TRPM5: variants seen among roughly 807,000 people sequenced by gnomAD.
The protein encoded by TRPM5 is MLSN1 and TRP-related.
Under a neutral mutation model 124.9 loss-of-function variants are expected in TRPM5, and 121 were observed. The ratio of observed to expected loss-of-function variants is 0.97; its 90% CI spans 0.84 to 1.13. TRPM5 has a LOEUF of 1.13. Ranked by LOEUF, TRPM5 falls within the 50% of genes most tolerant of loss-of-function variation. The pLI is 0.00. For missense variants in TRPM5, 1,643 were observed against 1,589.1 expected (o/e 1.03, Z -0.58); for synonymous variants, 781 against 700.5 (o/e 1.11, Z -1.81).
chr11:2,440,737 A>G, the TRPM5 span, among the ~76,000 whole-genome samples: 2 of 152,124 alleles, frequency 1.3e-5, no homozygotes, highest in African/African-American at 4.8e-5. This position sits in a 1 kb window ranked among gnomAD's most constrained non-coding sequence, Gnocchi z 5.2. Context: ...GTGCTCTGCG[A>G]GGATCTGGGG....
chr11:2,413,642 G>A (rs534586490), intron 12 of TRPM5, 54 bp from the exon 18 acceptor site: 14 of 1,525,456 alleles, frequency 9.2e-6, no homozygotes, highest in African/African-American at 8.2e-5. Flanking sequence ...CCCAGGCTGC[G>A]CCCTGCCCCA....
intron 21 of TRPM5, 57 bp downstream of exon 26, chr11:2,406,604 A>C (rs1304292027): frequency 6.5e-7 from 1 of 1,543,224 alleles, no homozygotes; most frequent in Non-Finnish European, 8.8e-7. Flanking sequence ...CGCCAATGGC[A>C]CATCCCCGCT....
chr11:2,422,400 A>C, intron 1 of TRPM5, 79 bp from the exon 7 acceptor site: 27 of 843,828 alleles, frequency 3.2e-5, no homozygotes, highest in East Asian at 5.0e-5. Flanking sequence ...GGCTGGACAC[A>C]AGGGGGCACT....
chr11:2,430,619 GTTGGTGGCAGTGATGAGGGTGGTGGCA>G, the TRPM5 span, among the ~76,000 whole-genome samples: 3 of 151,986 alleles, frequency 2.0e-5, no homozygotes, highest in Non-Finnish European at 4.4e-5. Flanking sequence ...TGGTGGTGAT[GTTGGTGGCAGTGATGAGGGTGGTGGCA>G]GTGATGGTGA....
upstream of TRPM5, among the ~76,000 whole-genome samples, chr11:2,423,689 A>G (rs1845804256): frequency 6.6e-6 from 1 of 152,170 alleles, no homozygotes; most frequent in Non-Finnish European, 1.5e-5. Flanking sequence ...CCACATCAGC[A>G]AGCGGGGGTA....
At chr11:2,409,136 GC>G (rs1347869224) in intron 18 of TRPM5, among the ~76,000 whole-genome samples, 10 of 152,080 alleles carry the variant, frequency 6.6e-5, no homozygotes, top group Non-Finnish European at 1.3e-4. Flanking sequence ...TGACGCGTTG[GC>G]CCGTGTGTGA....
chr11:2,442,551 T>TA, the TRPM5 span, among the ~76,000 whole-genome samples: 3 of 152,066 alleles, frequency 2.0e-5, no homozygotes. This position sits in a 1 kb window ranked among gnomAD's most constrained non-coding sequence, Gnocchi z 5.9. Context: ...TTTGCTAATA[T>TA]AAAAAATGCT....
exon 16 of TRPM5, chr11:2,412,227 G>A (rs141254918): frequency 1.2e-6 from 2 of 1,613,488 alleles, no homozygotes; most frequent in Non-Finnish European, 1.7e-6. Context: ...TCTTCACCAG[G>A]TGTGTGTCCT....
rs113659011 is a variant in TRPM5 at position 2,414,042 on chromosome 11, G to A, written c.1890+19C>T. On this transcript the variant is annotated intron_variant, in intron 12 of 23. Transcript: ENST00000155858. ...ACCCCACCCCCTGGCAGCTCTCCTC[G>A]AGGACAGCTGGCACTCACCTGAACG... 23 of 812,224 alleles carry A rather than the reference G, an allele frequency of 2.8e-5. No homozygotes were observed. The highest frequency in any genetic ancestry group is 2.5e-4 in the African/African-American group (11 of 44,312). 50.3% of individuals were successfully genotyped at this position (812,224 alleles called of 1,614,324 possible). A position where few individuals can be genotyped will look rare whatever the true frequency, so the allele number is the denominator to read the frequency against.
At chr11:2,430,849 T>C in the TRPM5 span, among the ~76,000 whole-genome samples, 47 of 147,718 alleles carry the variant, frequency 3.2e-4, no homozygotes, top group Non-Finnish European at 3.1e-4. Flanking sequence ...GTTTTGGTGG[T>C]GGTGATGGAG....
Position 2,411,779 on chromosome 11 carries a change from G to A in TRPM5, c.2475-12C>T, listed in dbSNP as rs1265725731. 18 of 1,612,172 alleles carry A rather than the reference G, an allele frequency of 1.1e-5. No homozygotes were observed. In the Admixed American group the frequency reaches 2.5e-4, roughly 22 times the overall value. On this transcript the variant is annotated splice_polypyrimidine_tract_variant and intron_variant, in intron 16 of 23. Transcript: ENST00000155858. The stretch of plus-strand genomic sequence containing the variant: ...CCGACGGCAGCATCCTGGAGGATGG[G>A]AGGCTGATGCGGCTGCGGGGCCCAG...
exon 13 of TRPM5, chr11:2,413,512 C>A: frequency 1.2e-6 from 2 of 1,612,376 alleles, no homozygotes; most frequent in South Asian, 2.2e-5. Context: ...GAGGGCGGGG[C>A]AGAGGAAGGC....
chr11:2,434,396 AGTGT>A, the TRPM5 span, among the ~76,000 whole-genome samples: 1 of 124,064 alleles, frequency 8.1e-6, no homozygotes, highest in East Asian at 2.6e-4. Context: ...TGTTTGTGAG[AGTGT>A]GTGTGTGTGT....
the TRPM5 span, among the ~76,000 whole-genome samples, chr11:2,443,238 TTTTC>T: frequency 6.2e-4 from 94 of 152,312 alleles, no homozygotes; most frequent in African/African-American, 1.7e-3. The surrounding 1 kb of genome is among the most constrained non-coding windows in gnomAD (Gnocchi z 5.0). Context: ...AAGGTATGCT[TTTTC>T]TTTCTTTATG....
chr11:2,428,431 C>T, the TRPM5 span, among the ~76,000 whole-genome samples: 22 of 152,020 alleles, frequency 1.4e-4, no homozygotes, highest in Non-Finnish European at 2.5e-4. The surrounding 1 kb of genome is among the most constrained non-coding windows in gnomAD (Gnocchi z 4.0). Context: ...GTGGTGGTAA[C>T]GGGTGAAGGT....
intron 18 of TRPM5, among the ~76,000 whole-genome samples, chr11:2,410,254 G>GC (rs1565007936): frequency 6.6e-6 from 1 of 152,038 alleles, no homozygotes. Context: ...TCACGGCGTC[G>GC]CCCCCGCCTG....
the TRPM5 span, among the ~76,000 whole-genome samples, chr11:2,428,063 C>T: frequency 6.6e-6 from 1 of 152,168 alleles, no homozygotes; most frequent in African/African-American, 2.4e-5. The surrounding 1 kb of genome is among the most constrained non-coding windows in gnomAD (Gnocchi z 4.0). Context: ...GACAGGGTGC[C>T]AGTGGGACAG....
At chr11:2,427,464 C>T (rs1845848547), upstream of TRPM5, among the ~76,000 whole-genome samples, 2 of 152,210 alleles carry the variant, frequency 1.3e-5, no homozygotes, top group South Asian at 2.1e-4. Context: ...CTCCTGGCAC[C>T]TGGGCAGCCA....
chr11:2,411,262 C>T (rs1850445188), intron 18 of TRPM5, 90 bp downstream of exon 23: 2 of 1,413,756 alleles, frequency 1.4e-6, no homozygotes, highest in Non-Finnish European at 9.4e-7. Flanking sequence ...ATGGCCCCAA[C>T]AGACCTCTCT....
Sources: gnomAD v4.1 joint callset for allele counts (sites outside exome capture counted in the v4.1 genomes callset) on GRCh38, gnomAD v4.1.1 for gene constraint, Gnocchi (gnomAD v3.1) non-coding constraint, MANE v1.5 for transcripts, NCBI Gene and HGNC (gene_info 2026-07-23, HGNC 2026-07-21) for gene names.